The following MTUS2 variants were observed in gnomAD, a reference collection of about 807,000 sequenced individuals.
MTUS2 encodes microtubule associated scaffold protein 2, also known as microtubule-associated tumor suppressor candidate 2.
Under a neutral mutation model 114.1 loss-of-function variants are expected in MTUS2, and 40 were observed. The ratio of observed to expected loss-of-function variants is 0.35; its 90% CI spans 0.27 to 0.46. The LOEUF is 0.46. Ranked by LOEUF, MTUS2 falls within the 20% of genes least tolerant of loss-of-function variation. The probability of loss-of-function intolerance (pLI) is 1.00; values close to 1 mark genes in which losing one functional copy is unlikely to be tolerated. For missense variants in MTUS2, 1,679 were observed against 1,705.4 expected (o/e 0.98, Z 0.27); for synonymous variants, 688 against 672.0 (o/e 1.02, Z -0.37).
chr13:29,364,713 G>A (rs997058680), intron 8 of MTUS2, among the ~76,000 whole-genome samples: 4 of 152,152 alleles, frequency 2.6e-5, no homozygotes, highest in East Asian at 1.9e-4. Flanking sequence ...AAGCTATTAC[G>A]TCCACCAGCC....
intron 9 of MTUS2, among the ~76,000 whole-genome samples, chr13:29,469,189 G>A (rs1018633665): frequency 3.9e-5 from 6 of 152,118 alleles, no homozygotes; most frequent in African/African-American, 7.2e-5. Context: ...CTCCTGCCCC[G>A]CCTCTCCTGC....
At chr13:28,843,600 C>G (rs1041280142) in intron 2 of MTUS2, among the ~76,000 whole-genome samples, 10 of 152,210 alleles carry the variant, frequency 6.6e-5, no homozygotes, top group Non-Finnish European at 1.2e-4. Context: ...GTAAATGTCA[C>G]ATGGGCAATT....
intron 7 of MTUS2, 31 bp downstream of exon 7, chr13:29,324,742 G>C: frequency 1.3e-6 from 2 of 1,516,548 alleles, no homozygotes; most frequent in Non-Finnish European, 1.8e-6. Flanking sequence ...GTTCCTTGGG[G>C]GAATGACTTG....
intron 6 of MTUS2, among the ~76,000 whole-genome samples, chr13:29,283,753 T>G (rs1898368263): frequency 6.6e-6 from 1 of 152,024 alleles, no homozygotes; most frequent in Non-Finnish European, 1.5e-5. Flanking sequence ...GAAAAATGGG[T>G]TAGGAATTTG....
Position 29,417,791 on chromosome 13 carries a change from A to G in MTUS2, c.3118-22192A>G, listed in dbSNP as rs182940471. Among the ~76,000 whole-genome samples, 502 of 151,930 alleles carry G rather than the reference A, an allele frequency of 3.3e-3. 4 individuals are homozygous for G. The highest frequency in any genetic ancestry group is 4.2e-3 in the Admixed American group (64 of 15,278). On this transcript the variant is annotated intron_variant, in intron 8 of 15. Coordinates refer to ENST00000612955, the MANE Select transcript of MTUS2 (RefSeq NM_001033602.4). ...TTTTGAATGTTCTTGCTTCATGGCT[A>G]TTTTCTTGGAAAAAAATTTCAACAG... is the stretch of plus-strand genomic sequence containing the variant.
intron 5 of MTUS2, among the ~76,000 whole-genome samples, chr13:29,136,395 A>G (rs1891978537): frequency 6.6e-6 from 1 of 152,172 alleles, no homozygotes; most frequent in Non-Finnish European, 1.5e-5. Context: ...TGTTAATGAG[A>G]TGACAAGTGG....
chr13:29,167,228 A>G lies in MTUS2; in HGVS notation c.2644+66258A>G, dbSNP rs553958848. Among the ~76,000 whole-genome samples the G allele has an allele frequency of 2.6e-5, 4 of 152,200 alleles. No homozygotes were observed. The South Asian group carries it at 8.3e-4, about 32-fold the overall frequency. On this transcript the variant is annotated intron_variant, in intron 5 of 15. Transcript: ENST00000612955. ...TTTCTACTAAAAAATACAAAAAATT[A>G]GCCGGGTGTGGTTGCGGGCGCCTGT...
chr13:29,371,731 G>C (rs1180406823), intron 8 of MTUS2, among the ~76,000 whole-genome samples: 1 of 151,938 alleles, frequency 6.6e-6, no homozygotes, highest in Non-Finnish European at 1.5e-5. Flanking sequence ...CACCTCCTTT[G>C]ATCTTCTCAG....
intron 5 of MTUS2, among the ~76,000 whole-genome samples, chr13:29,190,836 C>T (rs545954709): frequency 6.6e-6 from 1 of 152,282 alleles, no homozygotes; most frequent in South Asian, 2.1e-4. Flanking sequence ...ACCTCGGCCA[C>T]CAGTTGACCT....
chr13:28,926,609 T>C (rs1262775774), intron 2 of MTUS2, among the ~76,000 whole-genome samples: 1 of 152,214 alleles, frequency 6.6e-6, no homozygotes, highest in Non-Finnish European at 1.5e-5. Flanking sequence ...AGCCATTTTA[T>C]TGTCTAACTC....
intron 2 of MTUS2, among the ~76,000 whole-genome samples, chr13:28,977,677 T>C (rs1884177754): frequency 6.6e-6 from 1 of 152,202 alleles, no homozygotes; most frequent in Admixed American, 6.5e-5. Context: ...GCCTTTATGA[T>C]AATCAAAATA....
intron 5 of MTUS2, among the ~76,000 whole-genome samples, chr13:29,262,729 A>G (rs1897524786): frequency 1.3e-5 from 2 of 152,196 alleles, no homozygotes; most frequent in South Asian, 4.1e-4. Context: ...TGCCACTTGC[A>G]CAAATCATTT....
intron 2 of MTUS2, among the ~76,000 whole-genome samples, chr13:28,917,310 T>C (rs1880797954): frequency 6.6e-6 from 1 of 151,990 alleles, no homozygotes; most frequent in Non-Finnish European, 1.5e-5. Flanking sequence ...TTATCCTCTC[T>C]TGTTTGGAAT....
At chr13:29,196,201 A>G (rs1894693389) in intron 5 of MTUS2, among the ~76,000 whole-genome samples, 1 of 151,708 alleles carries the variant, frequency 6.6e-6, no homozygotes, top group African/African-American at 2.4e-5. Flanking sequence ...GGTTCAAGCA[A>G]TTCTCCTACC....
At chr13:29,186,756 A>G (rs1157454494) in intron 5 of MTUS2, among the ~76,000 whole-genome samples, 2 of 152,244 alleles carry the variant, frequency 1.3e-5, no homozygotes, top group Non-Finnish European at 2.9e-5. Flanking sequence ...TAGCAATACT[A>G]TAAATCAACT....
chr13:29,048,389 C>A (rs1228044904), intron 4 of MTUS2, among the ~76,000 whole-genome samples: 1 of 152,130 alleles, frequency 6.6e-6, no homozygotes, highest in Non-Finnish European at 1.5e-5. Context: ...GGTTGTATAA[C>A]CCTGCTTGTT....
chr13:28,920,715 T>A (rs534858431), intron 2 of MTUS2, among the ~76,000 whole-genome samples: 183 of 152,308 alleles, frequency 1.2e-3, no homozygotes, highest in African/African-American at 4.2e-3. Context: ...TCAAAAAGCC[T>A]AGATATTTAG....
At chr13:28,981,098 C>T (rs1884338415) in intron 2 of MTUS2, among the ~76,000 whole-genome samples, 1 of 152,152 alleles carries the variant, frequency 6.6e-6, no homozygotes, top group South Asian at 2.1e-4. Flanking sequence ...AAAAGTGAAG[C>T]CACTGATGAT....
intron 2 of MTUS2, among the ~76,000 whole-genome samples, chr13:28,867,209 T>C (rs550280327): frequency 6.6e-6 from 1 of 152,358 alleles, no homozygotes; most frequent in African/African-American, 2.4e-5. Flanking sequence ...TGCTCTTTAA[T>C]GTTAAGCAAA....
Sources: gnomAD v4.1 joint callset for allele counts (sites outside exome capture counted in the v4.1 genomes callset) on GRCh38, gnomAD v4.1.1 for gene constraint, MANE v1.5 for transcripts, NCBI Gene and HGNC (gene_info 2026-07-23, HGNC 2026-07-21) for gene names.